Variants in HRH1 observed in about 807,000 individuals in gnomAD.
The protein encoded by HRH1 is histamine receptor H1, also known as histamine H1 receptor.
In HRH1, 6 loss-of-function variants were observed where a neutral mutation model predicts 10.3. The ratio of observed to expected loss-of-function variants is 0.58; its 90% confidence interval spans 0.32 to 1.15. HRH1 has a LOEUF of 1.15. HRH1 is among the 50% of genes most tolerant of loss of function. The pLI is 0.05. For missense variants in HRH1, 514 were observed against 615.3 expected (o/e 0.84, Z 1.74); for synonymous variants, 242 against 236.7 (o/e 1.02, Z -0.21).
intron 1 of HRH1, among the ~76,000 whole-genome samples, chr3:11,200,051 C>T (rs896616460): frequency 2.0e-5 from 3 of 152,114 alleles, no homozygotes; most frequent in African/African-American, 7.2e-5. Context: ...GAAAAATTCT[C>T]CTTGATCTTA....
chr3:11,244,269 A>G (rs1939424232), intron 1 of HRH1, among the ~76,000 whole-genome samples: 1 of 152,262 alleles, frequency 6.6e-6, no homozygotes, highest in South Asian at 2.1e-4. Flanking sequence ...TGTTTTCTGG[A>G]AGTTGCAAAC....
At chr3:11,253,610 CTAATTCT>C (rs2152587558) in intron 1 of HRH1, among the ~76,000 whole-genome samples, 1 of 152,266 alleles carries the variant, frequency 6.6e-6, no homozygotes, top group South Asian at 2.1e-4. Context: ...GTGCGGGGCA[CTAATTCT>C]CAAATTCCTT....
At chr3:11,157,256 T>G (rs532575469) in intron 1 of HRH1, among the ~76,000 whole-genome samples, 1 of 152,286 alleles carries the variant, frequency 6.6e-6, no homozygotes, top group Admixed American at 6.5e-5. Context: ...TATCTGTTTC[T>G]CAGGATGAAT....
intron 1 of HRH1, among the ~76,000 whole-genome samples, chr3:11,162,784 C>G (rs986661075): frequency 6.6e-6 from 1 of 152,152 alleles, no homozygotes; most frequent in Non-Finnish European, 1.5e-5. Context: ...TGTGGTGAGG[C>G]TGAATGAGCT....
chr3:11,263,101 A>G lies in HRH1; in HGVS notation c.*2600A>G, dbSNP rs571052541. The G allele has an allele frequency of 4.8e-5, 8 of 167,082 alleles. No homozygotes were observed. The highest frequency in any genetic ancestry group is 1.9e-4 in the East Asian group (1 of 5,196). 10.3% of individuals were successfully genotyped at this position (167,082 alleles called of 1,614,324 possible). A position where few individuals can be genotyped will look rare whatever the true frequency, so the allele number is the denominator to read the frequency against. On this transcript the variant is annotated 3_prime_UTR_variant, in exon 2 of 2. Transcript: ENST00000431010. ...AATGTGCTTCCTTTCCACTTTATCA[A>G]TCTGCTCTTCGTACTCCTGTCTGAA... is the stretch of plus-strand genomic sequence containing the variant.
intron 1 of HRH1, among the ~76,000 whole-genome samples, chr3:11,228,985 A>G (rs1435800984): frequency 2.6e-5 from 4 of 152,150 alleles, no homozygotes; most frequent in Non-Finnish European, 5.9e-5. Context: ...GGGAACCCAG[A>G]AGAAGAAATG....
At chr3:11,223,495 T>C (rs1256710391) in intron 1 of HRH1, among the ~76,000 whole-genome samples, 2 of 41,784 alleles carry the variant, frequency 4.8e-5, no homozygotes, top group East Asian at 5.2e-3. Flanking sequence ...CGAGACTCCA[T>C]CTCAAAAAAA....
intron 1 of HRH1, among the ~76,000 whole-genome samples, chr3:11,175,434 T>C (rs1937231548): frequency 6.6e-6 from 1 of 152,188 alleles, no homozygotes; most frequent in Non-Finnish European, 1.5e-5. Flanking sequence ...GTATAGATTA[T>C]GCTAGTGGGT....
intron 1 of HRH1, among the ~76,000 whole-genome samples, chr3:11,257,016 G>C (rs1403565035): frequency 6.6e-6 from 1 of 151,562 alleles, no homozygotes; most frequent in African/African-American, 2.4e-5. Flanking sequence ...ACTTTGGGAG[G>C]CCAAGGTGGG....
At chr3:11,211,598 G>C (rs994727528) in intron 1 of HRH1, among the ~76,000 whole-genome samples, 1 of 152,188 alleles carries the variant, frequency 6.6e-6, no homozygotes, top group African/African-American at 2.4e-5. Flanking sequence ...TCAGCACCGG[G>C]GCCTTCCTGG....
Position 11,172,759 on chromosome 3 carries a change from G to A in HRH1, c.-36+18205G>A, listed in dbSNP as rs551173285. Reference sequence around the variant, plus strand: ...GCTCTGTCCCCCAGGCTGAAGTGCAGTAGGCGATCTCGGCTCACTGCAAGC... The same window carrying A: ...GCTCTGTCCCCCAGGCTGAAGTGCAATAGGCGATCTCGGCTCACTGCAAGC... On this transcript the variant is annotated intron_variant, in intron 1 of 1. Transcript: ENST00000431010. Among the ~76,000 whole-genome samples the A allele has an allele frequency of 3.4e-4, 51 of 148,170 alleles. No individual in the cohort carries two copies. In the East Asian group the frequency reaches 7.2e-3, roughly 21 times the overall value.
intron 1 of HRH1, among the ~76,000 whole-genome samples, chr3:11,238,621 C>T (rs544228634): frequency 6.6e-6 from 1 of 152,320 alleles, no homozygotes; most frequent in African/African-American, 2.4e-5. Context: ...AGTAAATGTA[C>T]AGAGTTGTAT....
chr3:11,234,268 C>G, intron 1 of HRH1: 1 of 1,558,580 alleles, frequency 6.4e-7, no homozygotes. Context: ...TTGACCCCAC[C>G]TCTTCTTTGG....
chr3:11,148,180 C>CAAAAAAA (rs58792725), intron 1 of HRH1, among the ~76,000 whole-genome samples: 2 of 85,956 alleles, frequency 2.3e-5, no homozygotes, highest in African/African-American at 4.3e-5. Flanking sequence ...CTCTGTCAAA[C>CAAAAAAA]AAAAAAAAAA....
intron 1 of HRH1, among the ~76,000 whole-genome samples, chr3:11,145,121 T>C (rs1936408180): frequency 6.6e-6 from 1 of 152,050 alleles, no homozygotes; most frequent in Non-Finnish European, 1.5e-5. Context: ...TGCAACCACC[T>C]CTAAACCACC....
intron 1 of HRH1, among the ~76,000 whole-genome samples, chr3:11,165,307 C>T (rs1249085848): frequency 6.6e-6 from 1 of 152,136 alleles, no homozygotes; most frequent in Non-Finnish European, 1.5e-5. Flanking sequence ...TGCAATCATC[C>T]GTTAATTCCC....
intron 1 of HRH1, among the ~76,000 whole-genome samples, chr3:11,166,550 C>CG (rs202070858): frequency 1.3e-5 from 2 of 149,380 alleles, no homozygotes; most frequent in African/African-American, 4.9e-5. Flanking sequence ...TCTCCAGGCC[C>CG]TGACATCTGC....
At chr3:11,231,001 C>T (rs1939024838) in intron 1 of HRH1, among the ~76,000 whole-genome samples, 1 of 152,184 alleles carries the variant, frequency 6.6e-6, no homozygotes, top group South Asian at 2.1e-4. Flanking sequence ...ATCCCCTTTC[C>T]TTCTCACCTC....
Position 11,242,731 on chromosome 3 carries a change from A to G in HRH1, c.-35-16272A>G, listed in dbSNP as rs574075317. Among the ~76,000 whole-genome samples, 5 of 152,282 alleles carry G rather than the reference A, an allele frequency of 3.3e-5. No individual in the cohort carries two copies. In the South Asian group the frequency reaches 1.0e-3, roughly 32 times the overall value. On this transcript the variant is annotated intron_variant, in intron 1 of 1. Coordinates refer to ENST00000431010, the MANE Select transcript of HRH1 (RefSeq NM_001098212.2). ...TAGATTACCATGAGATAAATTTTTA[A>G]CTATAAAGTGTTCAGGGAAAAGTAG... is the stretch of plus-strand genomic sequence containing the variant.
Sources: allele counts gnomAD v4.1 joint callset (sites outside exome capture counted in the v4.1 genomes callset), GRCh38; gene constraint gnomAD v4.1.1; transcripts MANE v1.5; gene names NCBI Gene and HGNC (gene_info 2026-07-23, HGNC 2026-07-21).